Variants in STAG1 observed in about 807,000 individuals in gnomAD.
STAG1 encodes the protein cohesin subunit SA-1.
In STAG1, 26 loss-of-function variants were observed where a neutral mutation model predicts 170.9. The ratio of observed to expected loss-of-function variants is 0.15; its 90% CI spans 0.11 to 0.21. STAG1 has a LOEUF of 0.21. Among genes scored for constraint, STAG1 ranks in the 10% least tolerant of loss-of-function variants. STAG1 has a pLI of 1.00. For synonymous variants in STAG1, 514 were observed against 497.7 expected (o/e 1.03, Z -0.44); for missense variants, 964 against 1,509.5 (o/e 0.64, Z 5.99).
chr3:136,340,447 C>T (rs1307179212), intron 32 of STAG1, 44 bp downstream of exon 32: 1 of 1,265,530 alleles, frequency 7.9e-7, no homozygotes, highest in Non-Finnish European at 1.2e-6. Context: ...ACACCAATGC[C>T]CCCACATATT....
intron 9 of STAG1, among the ~76,000 whole-genome samples, chr3:136,496,925 GGA>G (rs148759150): frequency 1.7e-4 from 25 of 150,782 alleles, no homozygotes; most frequent in East Asian, 5.8e-4. Context: ...AGAGAGAGAG[GGA>G]GAGAGAGAGA....
chr3:136,648,569 A>C (rs572738625), intron 1 of STAG1, among the ~76,000 whole-genome samples: 126 of 152,328 alleles, frequency 8.3e-4, no homozygotes, highest in Middle Eastern at 6.8e-3. Context: ...CTCCAAAACA[A>C]GAACCTAAGT....
chr3:136,473,449 C>T (rs1159992414), intron 11 of STAG1, 90 bp downstream of exon 11: 8 of 963,606 alleles, frequency 8.3e-6, no homozygotes, highest in Non-Finnish European at 1.3e-5. Context: ...ATGAACTAAA[C>T]ACTTGTATGA....
chr3:136,727,752 T>C (rs1933768961), intron 1 of STAG1, among the ~76,000 whole-genome samples: 1 of 152,214 alleles, frequency 6.6e-6, no homozygotes, highest in South Asian at 2.1e-4. Context: ...AGAATTACAT[T>C]TTGTTTCAGT....
intron 1 of STAG1, among the ~76,000 whole-genome samples, chr3:136,636,257 A>G (rs1245430864): frequency 6.6e-6 from 1 of 152,136 alleles, no homozygotes; most frequent in Non-Finnish European, 1.5e-5. Context: ...TCAAAAAAAA[A>G]AAAGAAAGAA....
intron 5 of STAG1, among the ~76,000 whole-genome samples, chr3:136,545,673 T>C (rs956235860): frequency 2.0e-5 from 3 of 152,076 alleles, no homozygotes; most frequent in African/African-American, 4.8e-5. Flanking sequence ...CGTAAATATC[T>C]TGGGATGCAT....
At chr3:136,340,890 A>G (rs1935940736) in intron 31 of STAG1, among the ~76,000 whole-genome samples, 2 of 152,148 alleles carry the variant, frequency 1.3e-5, no homozygotes, top group South Asian at 2.1e-4. Context: ...TATTATCCCA[A>G]TTTTACAAAT....
intron 5 of STAG1, among the ~76,000 whole-genome samples, chr3:136,559,120 ACTACCTAT>A (rs1034534265): frequency 2.3e-4 from 25 of 108,480 alleles, no homozygotes; most frequent in African/African-American, 8.8e-4. Context: ...ATAACACTGA[ACTACCTAT>A]CTATCTATCT....
chr3:136,601,017 C>T (rs536135248), intron 4 of STAG1, among the ~76,000 whole-genome samples: 1 of 151,992 alleles, frequency 6.6e-6, no homozygotes, highest in African/African-American at 2.4e-5. Context: ...ATTAGCACCA[C>T]ATCCAGCTAA....
At chr3:136,386,753 GT>G (rs2086883923) in intron 22 of STAG1, among the ~76,000 whole-genome samples, 1 of 151,910 alleles carries the variant, frequency 6.6e-6, no homozygotes, top group Admixed American at 6.6e-5. Flanking sequence ...CCCAGGCTTT[GT>G]TCCAAAATTT....
chr3:136,697,461 A>C (rs1040993663), intron 1 of STAG1, among the ~76,000 whole-genome samples: 2 of 152,146 alleles, frequency 1.3e-5, no homozygotes, highest in African/African-American at 4.8e-5. Flanking sequence ...TTACCCTCTA[A>C]ATAATTAAAT....
At chr3:136,751,809 G>A (rs1294584752) in intron 1 of STAG1, among the ~76,000 whole-genome samples, 2 of 54,506 alleles carry the variant, frequency 3.7e-5, no homozygotes, top group East Asian at 3.0e-4. Context: ...GAGCCCGGGC[G>A]GGGGGGGGCG....
intron 21 of STAG1, among the ~76,000 whole-genome samples, chr3:136,412,576 G>C (rs1385460790): frequency 6.6e-6 from 1 of 152,160 alleles, no homozygotes; most frequent in Non-Finnish European, 1.5e-5. Context: ...CTGACATCAC[G>C]TGCCTCCTGA....
chr3:136,549,013 C>G (rs1286761817), intron 5 of STAG1, among the ~76,000 whole-genome samples: 1 of 152,176 alleles, frequency 6.6e-6, no homozygotes, highest in African/African-American at 2.4e-5. Flanking sequence ...CCTTCCTAGC[C>G]ACGCTTCCTC....
At position 136,396,526 on chromosome 3, in the gene STAG1, T is replaced by C. The variant is rs1433102611; in HGVS notation, c.2277+2223A>G. ...GTGAGCCACCGCGCCTGGCCTTTTTTTTTTTTTTTTTTTTTTTTTTGGAGA... is the reference window on the plus strand; with the variant it reads ...GTGAGCCACCGCGCCTGGCCTTTTTCTTTTTTTTTTTTTTTTTTTTGGAGA... On this transcript the variant is annotated intron_variant, in intron 22 of 33. Transcript: ENST00000383202. 1.3e-4 allele frequency among the ~76,000 whole-genome samples: 6 copies of C among 46,516 alleles called. No individual in the cohort carries two copies. In the East Asian group the frequency reaches 0.018, roughly 138 times the overall value. 30.5% of individuals were successfully genotyped at this position (46,516 alleles called of 152,430 possible). A position where few individuals can be genotyped will look rare whatever the true frequency, so the allele number is the denominator to read the frequency against.
Position 136,682,446 on chromosome 3 carries a change from A to AATAT in STAG1, c.-83-51469_-83-51466dup, listed in dbSNP as rs35792608. Among the ~76,000 whole-genome samples, 344 of 146,390 alleles carry AATAT rather than the reference A, an allele frequency of 2.3e-3. 5 individuals are homozygous for AATAT. In the South Asian group the frequency reaches 0.04, roughly 17 times the overall value. ...TTTCACAAAATTAAAAAAAAAATAA[A>AATAT]ATATATATATATATATACACATATG... On this transcript the variant is annotated intron_variant, in intron 1 of 33. Coordinates refer to ENST00000383202, the MANE Select transcript of STAG1 (RefSeq NM_005862.3).
intron 1 of STAG1, among the ~76,000 whole-genome samples, chr3:136,751,736 C>G (rs958409546): frequency 6.6e-6 from 1 of 151,848 alleles, no homozygotes; most frequent in Non-Finnish European, 1.5e-5. Flanking sequence ...GGTCGGCAGG[C>G]GGCGGAAGGC....
At chr3:136,372,051 C>T (rs1210749114) in intron 23 of STAG1, among the ~76,000 whole-genome samples, 1 of 152,152 alleles carries the variant, frequency 6.6e-6, no homozygotes, top group Admixed American at 6.5e-5. Context: ...GTTTGTAGTT[C>T]TCCTTGAAGA....
At chr3:136,386,460 A>G (rs891742994) in intron 22 of STAG1, among the ~76,000 whole-genome samples, 1 of 152,202 alleles carries the variant, frequency 6.6e-6, no homozygotes. Context: ...ATTAGAAAGA[A>G]GCTTTCCTAA....
Sources: gnomAD v4.1 joint callset for allele counts (sites outside exome capture counted in the v4.1 genomes callset) on GRCh38, gnomAD v4.1.1 for gene constraint, MANE v1.5 for transcripts, NCBI Gene and HGNC (gene_info 2026-07-23, HGNC 2026-07-21) for gene names.